The following CPM variants were observed in gnomAD, a reference collection of about 807,000 sequenced individuals.
The protein encoded by CPM is renal carboxypeptidase.
In CPM, 35 loss-of-function variants were observed where a neutral mutation model predicts 46.4. The observed-to-expected ratio is 0.75, with a 90% CI of 0.58 to 1.00. CPM has a LOEUF of 1.00. CPM is among the 50% of genes least tolerant of loss of function. The pLI, the probability that CPM is intolerant of heterozygous loss-of-function variation, is 0.00. For missense variants in CPM, 422 were observed against 530.4 expected, an observed-to-expected ratio of 0.80 and a Z score of 2.01; for synonymous variants, 195 against 195.3, an observed-to-expected ratio of 1.00 and a Z score of 0.01.
chr12:68,931,744 C>CAAAAAAA (rs1230893187), intron 2 of CPM, among the ~76,000 whole-genome samples: 2 of 36,166 alleles, frequency 5.5e-5, no homozygotes, highest in African/African-American at 1.9e-4. Flanking sequence ...AGACTCTGAC[C>CAAAAAAA]AAAAAAAAAA....
At chr12:68,963,261 A>G in exon 1 of CPM, 1 of 196,866 alleles carries the variant, frequency 5.1e-6, no homozygotes, top group South Asian at 1.1e-4. Flanking sequence ...GGCCAAGAAG[A>G]ATCTAGACAG....
chr12:68,858,003 T>C (rs1377281652), intron 8 of CPM, among the ~76,000 whole-genome samples: 4 of 152,200 alleles, frequency 2.6e-5, no homozygotes, highest in African/African-American at 9.7e-5. Context: ...GATTAGCAAT[T>C]GATAAGCCTC....
intron 1 of CPM, among the ~76,000 whole-genome samples, chr12:68,952,194 A>G (rs2136335797): frequency 6.6e-6 from 1 of 152,338 alleles, no homozygotes; most frequent in South Asian, 2.1e-4. Context: ...TATCTAATAG[A>G]TATTTCATAG....
At chr12:68,951,138 A>G (rs1289344365) in intron 1 of CPM, among the ~76,000 whole-genome samples, 2 of 152,230 alleles carry the variant, frequency 1.3e-5, no homozygotes, top group Non-Finnish European at 2.9e-5. Flanking sequence ...GTGTGATCTT[A>G]GGAAACTCAC....
intron 2 of CPM, among the ~76,000 whole-genome samples, chr12:68,898,560 A>G (rs1173987573): frequency 6.6e-6 from 1 of 152,222 alleles, no homozygotes; most frequent in African/African-American, 2.4e-5. Flanking sequence ...ACTTCTCACT[A>G]GTATCACTGT....
chr12:68,925,914 A>T (rs1173805603), intron 2 of CPM, among the ~76,000 whole-genome samples: 1 of 152,112 alleles, frequency 6.6e-6, no homozygotes, highest in South Asian at 2.1e-4. Context: ...TTATTTATAT[A>T]TTTATTTATT....
At chr12:68,935,893 C>T (rs183913102), upstream of CPM, among the ~76,000 whole-genome samples, 1 of 152,248 alleles carries the variant, frequency 6.6e-6, no homozygotes, top group Admixed American at 6.5e-5. Flanking sequence ...ATCTGATTTC[C>T]TGCAGGGTGC....
chr12:68,954,813 G>C (rs923801183), intron 1 of CPM, among the ~76,000 whole-genome samples: 2 of 152,160 alleles, frequency 1.3e-5, no homozygotes, highest in Admixed American at 1.3e-4. Flanking sequence ...GCAAACTACT[G>C]CCATCTAATT....
chr12:68,961,379 G>C (rs993748777), intron 1 of CPM, among the ~76,000 whole-genome samples: 9 of 151,942 alleles, frequency 5.9e-5, no homozygotes, highest in Admixed American at 6.6e-5. Context: ...TCCTGGGCTC[G>C]AGTGGTCCAC....
intron 3 of CPM, among the ~76,000 whole-genome samples, chr12:68,882,024 C>G (rs1254745184): frequency 8.0e-6 from 1 of 124,766 alleles, no homozygotes; most frequent in Non-Finnish European, 1.7e-5. Flanking sequence ...GCCCGGCCTG[C>G]TTTTTTTTTT....
chr12:68,873,276 C>T (rs983060647), intron 3 of CPM, among the ~76,000 whole-genome samples: 2 of 152,186 alleles, frequency 1.3e-5, no homozygotes, highest in South Asian at 2.1e-4. Flanking sequence ...AAAGGATAAG[C>T]GGTCCTTGGA....
intron 2 of CPM, among the ~76,000 whole-genome samples, chr12:68,915,641 A>T (rs553626523): frequency 6.6e-6 from 1 of 152,332 alleles, no homozygotes; most frequent in South Asian, 2.1e-4. Flanking sequence ...TGCTTTTCCC[A>T]TTACGGCAGT....
At chr12:68,913,431 C>T (rs1453585128) in intron 2 of CPM, among the ~76,000 whole-genome samples, 1 of 152,120 alleles carries the variant, frequency 6.6e-6, no homozygotes, top group Non-Finnish European at 1.5e-5. Flanking sequence ...GGATCTTTTG[C>T]CTAACCCAAC....
chr12:68,932,116 T>TA (rs1311958150), intron 2 of CPM, among the ~76,000 whole-genome samples: 2 of 152,242 alleles, frequency 1.3e-5, no homozygotes, highest in African/African-American at 4.8e-5. Context: ...GCCATAGGGC[T>TA]AATTATACAC....
intron 2 of CPM, among the ~76,000 whole-genome samples, chr12:68,909,965 A>T (rs113231942): frequency 2.2e-4 from 34 of 152,046 alleles, no homozygotes; most frequent in East Asian, 1.9e-3. Context: ...TGCACATGTA[A>T]CCCAGAACTT....
chr12:68,942,221 TC>T (rs1382232770), intron 1 of CPM, among the ~76,000 whole-genome samples: 2 of 152,242 alleles, frequency 1.3e-5, no homozygotes, highest in Non-Finnish European at 2.9e-5. Context: ...AAGTTGTCTA[TC>T]AAAAACCAAA....
intron 1 of CPM, among the ~76,000 whole-genome samples, chr12:68,955,239 G>A (rs1888995176): frequency 6.6e-6 from 1 of 152,178 alleles, no homozygotes; most frequent in Non-Finnish European, 1.5e-5. Flanking sequence ...AGGATCCCAG[G>A]ACACTGACAC....
At chr12:68,923,273 A>G (rs892841303) in intron 2 of CPM, among the ~76,000 whole-genome samples, 6 of 139,850 alleles carry the variant, frequency 4.3e-5, no homozygotes, top group Non-Finnish European at 6.1e-5. Flanking sequence ...TTACTTTCTT[A>G]CTTTGCATTC....
chr12:68,888,294 G>A (rs1479350412), intron 2 of CPM, among the ~76,000 whole-genome samples: 2 of 152,140 alleles, frequency 1.3e-5, no homozygotes, highest in Non-Finnish European at 2.9e-5. Flanking sequence ...ATTTAAAGAA[G>A]GAGGGAAATC....
Sources: gnomAD v4.1 joint callset for allele counts (sites outside exome capture counted in the v4.1 genomes callset) on GRCh38, gnomAD v4.1.1 for gene constraint, MANE v1.5 for transcripts, NCBI Gene and HGNC (gene_info 2026-07-23, HGNC 2026-07-21) for gene names.